The following SHROOM3 variants were observed in gnomAD, a reference collection of about 807,000 sequenced individuals.
SHROOM3 encodes protein Shroom3.
SHROOM3 carries 47 observed loss-of-function variants against 138.6 expected under a neutral mutation model. The ratio of observed to expected loss-of-function variants is 0.34; its 90% CI spans 0.27 to 0.43. The LOEUF (loss-of-function observed/expected upper bound fraction) is 0.43. Among genes scored for constraint, SHROOM3 ranks in the 20% least tolerant of loss-of-function variants. The pLI is 1.00. For missense variants in SHROOM3, 2,491 were observed against 2,596.5 expected (o/e 0.96, Z 0.88); for synonymous variants, 1,062 against 1,063.3 (o/e 1.00, Z 0.02).
At chr4:76,621,830 CTTTTT>C (rs1437662557) in intron 2 of SHROOM3, among the ~76,000 whole-genome samples, 1 of 133,380 alleles carries the variant, frequency 7.5e-6, no homozygotes, top group Non-Finnish European at 1.6e-5. Flanking sequence ...TTTGAATGTT[CTTTTT>C]TTTTTTTTTT....
intron 1 of SHROOM3, among the ~76,000 whole-genome samples, chr4:76,492,470 G>A (rs531957153): frequency 4.6e-5 from 7 of 152,060 alleles, no homozygotes; most frequent in East Asian, 3.9e-4. Flanking sequence ...TCTTCTTTTC[G>A]GTCATTTTAT....
chr4:76,756,411 CTCTCTCTT>C, intron 7 of SHROOM3, 30 bp from the exon 8 acceptor site: 8 of 1,530,764 alleles, frequency 5.2e-6, no homozygotes, highest in Non-Finnish European at 7.1e-6. Context: ...CTCTTTCTCT[CTCTCTCTT>C]TTTTTTTTTT....
intron 5 of SHROOM3, among the ~76,000 whole-genome samples, chr4:76,747,694 G>A (rs1721485355): frequency 6.6e-6 from 1 of 152,082 alleles, no homozygotes; most frequent in African/African-American, 2.4e-5. Flanking sequence ...AGGGAAAAAT[G>A]GTGGGAAAAG....
At position 76,740,968 on chromosome 4, in the gene SHROOM3, A is replaced by C. The variant is rs1394701917; in HGVS notation, c.2795A>C (p.Gln932Pro). 3 of 1,496,266 alleles carry C rather than the reference A, an allele frequency of 2.0e-6. No homozygotes were observed. The highest frequency in any genetic ancestry group is 1.8e-4 in the Middle Eastern group (1 of 5,636). 92.7% of individuals were successfully genotyped at this position (1,496,266 alleles called of 1,614,324 possible). ...TACCGGAACAGCATCAAGGACGCACAGTCCCGTGTCTTGGGGGCCACCTCC... is the reference window on the plus strand; with the variant it reads ...TACCGGAACAGCATCAAGGACGCACCGTCCCGTGTCTTGGGGGCCACCTCC... ...RAYRNSIKDA[Q>P]SRVLGATSFR... The change falls in exon 5 of 11, where the codon CAG (glutamine) becomes CCG (proline). Residue 932 changes from glutamine to proline, a missense_variant. Physicochemically the swap from Gln to Pro is moderately conservative, Grantham distance 76 (BLOSUM62 -1). Transcript: ENST00000296043. This position sits in a 1 kb window ranked among gnomAD's most constrained non-coding sequence, Gnocchi z 4.0.
rs145159967 is a variant in SHROOM3 at position 76,739,274 on chromosome 4, T to G, written c.1101T>G (p.Ser367Arg). 456 of 1,614,010 alleles carry G rather than the reference T, an allele frequency of 2.8e-4. 2 individuals carry two copies. In the African/African-American group the frequency reaches 5.4e-3, roughly 19 times the overall value. Reference sequence around the variant, plus strand: ...CATCCTGGAGCCAGCAGTGCCCCAGTTCCTTGGAGACTGCCACGGACAACC... The same window carrying G: ...CATCCTGGAGCCAGCAGTGCCCCAGGTCCTTGGAGACTGCCACGGACAACC... The part of the protein sequence containing the change: ...PPPSWSQQCP[S>R]SLETATDNLP... Residue 367 changes from serine (S) to arginine (R), a missense_variant, in exon 5 of 11, where the codon AGT becomes AGG. Ser to Arg is a moderately radical substitution (Grantham distance 110). Coordinates refer to ENST00000296043, the MANE Select transcript of SHROOM3 (RefSeq NM_020859.4).
chr4:76,465,536 T>C (rs1192003012), intron 1 of SHROOM3, among the ~76,000 whole-genome samples: 1 of 152,224 alleles, frequency 6.6e-6, no homozygotes, highest in Non-Finnish European at 1.5e-5. Context: ...AAGCTCCTTT[T>C]CCTCAGTCCT....
At chr4:76,543,118 A>C (rs1449666486) in intron 1 of SHROOM3, among the ~76,000 whole-genome samples, 1 of 152,188 alleles carries the variant, frequency 6.6e-6, no homozygotes, top group East Asian at 1.9e-4. Flanking sequence ...CTGGTCCTTC[A>C]AGGAGGTAAC....
chr4:76,580,995 T>G (rs539759795), intron 2 of SHROOM3, among the ~76,000 whole-genome samples: 1 of 152,356 alleles, frequency 6.6e-6, no homozygotes, highest in East Asian at 1.9e-4. Context: ...TTATTTATTC[T>G]TTATATTAGC....
At chr4:76,665,474 C>A (rs914373469) in intron 2 of SHROOM3, among the ~76,000 whole-genome samples, 1 of 152,166 alleles carries the variant, frequency 6.6e-6, no homozygotes, top group Non-Finnish European at 1.5e-5. Flanking sequence ...GGAAGAGAGC[C>A]CAGATCCATA....
At chr4:76,617,168 C>G (rs1460469648) in intron 2 of SHROOM3, among the ~76,000 whole-genome samples, 1 of 152,178 alleles carries the variant, frequency 6.6e-6, no homozygotes, top group Non-Finnish European at 1.5e-5. Flanking sequence ...TAGACTAGAC[C>G]TTGGGAAAAT....
intron 2 of SHROOM3, among the ~76,000 whole-genome samples, chr4:76,649,652 T>A (rs1735910676): frequency 6.6e-6 from 1 of 152,204 alleles, no homozygotes; most frequent in South Asian, 2.1e-4. Context: ...ATCATACAGA[T>A]AAGAGTGCTT....
intron 1 of SHROOM3, among the ~76,000 whole-genome samples, chr4:76,526,551 G>A (rs1295138220): frequency 6.6e-6 from 1 of 152,112 alleles, no homozygotes; most frequent in Non-Finnish European, 1.5e-5. Context: ...TGCAGGCATA[G>A]GAAGGAAATA....
At chr4:76,755,254 C>G in intron 7 of SHROOM3, 62 bp downstream of exon 7, 3 of 1,573,362 alleles carry the variant, frequency 1.9e-6, no homozygotes, top group Non-Finnish European at 2.6e-6. Context: ...CCCAGGTGGC[C>G]CAGGTCCTTC....
At chr4:76,447,546 A>G (rs1459401508) in intron 1 of SHROOM3, among the ~76,000 whole-genome samples, 1 of 152,210 alleles carries the variant, frequency 6.6e-6, no homozygotes, top group Admixed American at 6.5e-5. Flanking sequence ...GTTGAGATAG[A>G]CAATTAAAAG....
intron 2 of SHROOM3, among the ~76,000 whole-genome samples, chr4:76,593,715 A>G (rs967143657): frequency 2.2e-4 from 34 of 152,306 alleles, no homozygotes; most frequent in African/African-American, 5.3e-4. Context: ...CTGCTTATTA[A>G]AAACCAAATT....
intron 2 of SHROOM3, among the ~76,000 whole-genome samples, chr4:76,682,971 A>G (rs1431320711): frequency 6.6e-6 from 1 of 152,240 alleles, no homozygotes; most frequent in Non-Finnish European, 1.5e-5. Flanking sequence ...TTTTCTAGAC[A>G]GTACCATCCA....
intron 3 of SHROOM3, among the ~76,000 whole-genome samples, chr4:76,716,853 T>C (rs1425149987): frequency 6.6e-6 from 1 of 152,236 alleles, no homozygotes; most frequent in African/African-American, 2.4e-5. Flanking sequence ...TCTATTCTCA[T>C]TGCCAATATT....
chr4:76,448,218 T>A (rs1162108738), intron 1 of SHROOM3, among the ~76,000 whole-genome samples: 1 of 152,240 alleles, frequency 6.6e-6, no homozygotes, highest in Admixed American at 6.5e-5. Flanking sequence ...GATTTAAAGC[T>A]AACTCATTTC....
At chr4:76,763,655 G>A (rs1192237981) in intron 9 of SHROOM3, among the ~76,000 whole-genome samples, 5 of 152,216 alleles carry the variant, frequency 3.3e-5, no homozygotes, top group African/African-American at 1.2e-4. Context: ...ACAAGAGCCA[G>A]TAGGTCATAA....
Sources: gnomAD v4.1 joint callset for allele counts (sites outside exome capture counted in the v4.1 genomes callset) on GRCh38, gnomAD v4.1.1 for gene constraint, Gnocchi (gnomAD v3.1) non-coding constraint, MANE v1.5 for transcripts, NCBI Gene and HGNC (gene_info 2026-07-23, HGNC 2026-07-21) for gene names.